RGL1: variants seen among roughly 807,000 people sequenced by gnomAD.
The protein encoded by RGL1 is ral guanine nucleotide dissociation stimulator like 1, also known as ral guanine nucleotide dissociation stimulator-like 1.
In RGL1, 24 loss-of-function variants were observed where a neutral mutation model predicts 95.2. The observed-to-expected ratio is 0.25, with a 90% confidence interval of 0.18 to 0.35. The LOEUF (loss-of-function observed/expected upper bound fraction) is 0.35. Among genes scored for constraint, RGL1 ranks in the 10% least tolerant of loss-of-function variants. The pLI is 1.00. For missense variants in RGL1, 715 were observed against 936.3 expected (o/e 0.76, Z 3.08); for synonymous variants, 329 against 344.9 (o/e 0.95, Z 0.51).
chr1:183,768,658 G>A (rs1403777785), intron 2 of RGL1, among the ~76,000 whole-genome samples: 1 of 151,862 alleles, frequency 6.6e-6, no homozygotes, highest in African/African-American at 2.4e-5. Context: ...AAATTGTAGA[G>A]ATGAGGTCTT....
intron 3 of RGL1, among the ~76,000 whole-genome samples, chr1:183,851,876 TCTATAATTAAGAGGAAG>T: frequency 6.6e-6 from 1 of 152,314 alleles, no homozygotes; most frequent in East Asian, 1.9e-4. Context: ...ACTTTTAATG[TCTATAATTAAGAGGAAG>T]CAATTATGTT....
intron 1 of RGL1, 32 bp downstream of exon 1, chr1:183,805,356 T>TGAG: frequency 6.3e-7 from 1 of 1,580,874 alleles, no homozygotes; most frequent in Non-Finnish European, 8.7e-7. Flanking sequence ...CTCCCGAGGC[T>TGAG]TCTCTGGTGG....
intron 1 of RGL1, among the ~76,000 whole-genome samples, chr1:183,644,822 G>C (rs931854173): frequency 2.1e-4 from 32 of 152,182 alleles, no homozygotes; most frequent in African/African-American, 7.2e-4. Flanking sequence ...AGCAGGATTA[G>C]ATTATAGCTT....
chr1:183,684,827 C>T lies in RGL1; in HGVS notation c.-33+48326C>T, dbSNP rs549135590. Among the ~76,000 whole-genome samples the T allele has an allele frequency of 3.9e-5, 6 of 152,278 alleles. No individual in the cohort carries two copies. In the South Asian group the frequency reaches 1.0e-3, roughly 26 times the overall value. On this transcript the variant is annotated intron_variant, in intron 1 of 18. Transcript: ENST00000304685. ...CATGGCACAGTCCCTCACAGCTTCC[C>T]TTGGCTAGGGGAAGGAGTTCCCTGA...
Position 183,888,576 on chromosome 1 carries a change from A to C in RGL1, c.1054A>C (p.Arg352=). Residue 352 remains arginine (R), a splice_region_variant and synonymous_variant, in exon 8 of 18, where the codon AGG becomes CGG. Coordinates refer to ENST00000360851, the MANE Select transcript of RGL1 (RefSeq NM_001297671.3). ...RLKKTWAAVP[R]DRMLMFEELS... Reference sequence around the variant, plus strand: ...AAAAAAGACTTGGGCTGCCGTCCCAAGGTAAGTTCCCAAGTGTTTGCTCTG... The same window carrying C: ...AAAAAAGACTTGGGCTGCCGTCCCACGGTAAGTTCCCAAGTGTTTGCTCTG... 1 of 1,600,606 alleles carries C rather than the reference A, an allele frequency of 6.2e-7. No homozygotes were observed. The highest frequency in any genetic ancestry group is 8.6e-7 in the Non-Finnish European group (1 of 1,167,820).
intron 16 of RGL1, among the ~76,000 whole-genome samples, chr1:183,918,805 C>T (rs543634231): frequency 4.6e-5 from 7 of 152,202 alleles, no homozygotes; most frequent in African/African-American, 1.2e-4. Flanking sequence ...ATCCTGCCAG[C>T]GCATGTCACA....
intron 14 of RGL1, among the ~76,000 whole-genome samples, chr1:183,910,042 A>G (rs1558288822): frequency 6.6e-6 from 1 of 151,828 alleles, no homozygotes; most frequent in African/African-American, 2.4e-5. Flanking sequence ...CTTAATTACT[A>G]TTCCTCTGTT....
chr1:183,681,875 G>T (rs925517123), intron 1 of RGL1, among the ~76,000 whole-genome samples: 2 of 152,150 alleles, frequency 1.3e-5, no homozygotes, highest in African/African-American at 4.8e-5. Flanking sequence ...TCTACTCAGG[G>T]ATTCGACTTC....
At chr1:183,850,909 C>A (rs1664790004) in intron 3 of RGL1, among the ~76,000 whole-genome samples, 1 of 151,998 alleles carries the variant, frequency 6.6e-6, no homozygotes, top group African/African-American at 2.4e-5. Context: ...GATAATAGGC[C>A]ACAGATATCC....
chr1:183,823,051 C>T (rs1299659800), intron 2 of RGL1, among the ~76,000 whole-genome samples: 1 of 152,128 alleles, frequency 6.6e-6, no homozygotes. Context: ...GTAAGTGATT[C>T]TTCTCTCAAG....
At chr1:183,849,592 G>C (rs1664699163) in intron 3 of RGL1, among the ~76,000 whole-genome samples, 1 of 140,628 alleles carries the variant, frequency 7.1e-6, no homozygotes, top group Non-Finnish European at 1.5e-5. Flanking sequence ...TTGGGTTCAA[G>C]CAATTCTCCT....
chr1:183,893,729 G>T (rs967252443), intron 9 of RGL1, among the ~76,000 whole-genome samples: 5 of 152,168 alleles, frequency 3.3e-5, no homozygotes, highest in Admixed American at 6.5e-5. Flanking sequence ...TGCTCCAGGA[G>T]AAGCTGTCAT....
chr1:183,664,994 A>G (rs1244497382), intron 1 of RGL1, among the ~76,000 whole-genome samples: 3 of 152,094 alleles, frequency 2.0e-5, no homozygotes, highest in Admixed American at 6.6e-5. Context: ...GTTTTTTACC[A>G]TTAAGTATGA....
At chr1:183,700,354 A>G (rs1317431666) in intron 1 of RGL1, among the ~76,000 whole-genome samples, 1 of 152,086 alleles carries the variant, frequency 6.6e-6, no homozygotes, top group Non-Finnish European at 1.5e-5. Flanking sequence ...GCATCTGTAT[A>G]GTATCATAAA....
intron 1 of RGL1, among the ~76,000 whole-genome samples, chr1:183,805,971 C>CTTTTCTTTTCTTTTTTTTTTTTTT (rs1661282214): frequency 1.3e-5 from 1 of 74,676 alleles, no homozygotes; most frequent in African/African-American, 5.1e-5. Flanking sequence ...CTTTTCTTTT[C>CTTTTCTTTTCTTTTTTTTTTTTTT]TTTTTTTTTT....
At chr1:183,854,265 A>G (rs67410899) in intron 3 of RGL1, among the ~76,000 whole-genome samples, 21,353 of 152,122 alleles carry the variant, frequency 0.14, 1,901 homozygotes, top group Middle Eastern at 0.23. Context: ...CATAAAGGTA[A>G]TTGCTTTGTC....
At chr1:183,829,356 T>C (rs182211656) in intron 2 of RGL1, among the ~76,000 whole-genome samples, 4 of 151,774 alleles carry the variant, frequency 2.6e-5, no homozygotes, top group East Asian at 1.9e-4. Context: ...GTGAGAGGAT[T>C]GCTTGAGCCT....
chr1:183,746,939 A>G (rs1407155905), intron 2 of RGL1, among the ~76,000 whole-genome samples: 3 of 152,122 alleles, frequency 2.0e-5, no homozygotes. Flanking sequence ...TTTGCTGAGA[A>G]TGATGGTTTC....
intron 2 of RGL1, among the ~76,000 whole-genome samples, chr1:183,839,868 C>CATAG (rs1378564523): frequency 6.6e-6 from 1 of 152,192 alleles, no homozygotes; most frequent in Non-Finnish European, 1.5e-5. Context: ...ATCGGTAACT[C>CATAG]TCCTATAACA....
Sources: allele counts gnomAD v4.1 joint callset (sites outside exome capture counted in the v4.1 genomes callset), GRCh38; gene constraint gnomAD v4.1.1; transcripts MANE v1.5; gene names NCBI Gene and HGNC (gene_info 2026-07-23, HGNC 2026-07-21).